The following ZBBX variants were observed in gnomAD, a reference collection of about 807,000 sequenced individuals.
The protein encoded by ZBBX is zinc finger B-box domain containing.
ZBBX carries 101 observed loss-of-function variants against 108.5 expected under a neutral mutation model. The ratio of observed to expected loss-of-function variants is 0.93; its 90% confidence interval spans 0.79 to 1.10. ZBBX has a LOEUF of 1.10. Among genes scored for constraint, ZBBX ranks in the 50% least tolerant of loss-of-function variants. The probability of loss-of-function intolerance (pLI) is 0.00; values close to 1 mark genes in which losing one functional copy is unlikely to be tolerated. For synonymous variants in ZBBX, 356 were observed against 323.4 expected, an observed-to-expected ratio of 1.10 and a Z score of -1.08; for missense variants, 1,009 against 941.4, an observed-to-expected ratio of 1.07 and a Z score of -0.94.
chr3:167,192,996 G>A, the ZBBX span, among the ~76,000 whole-genome samples: 1 of 152,082 alleles, frequency 6.6e-6, no homozygotes, highest in Non-Finnish European at 1.5e-5. Context: ...GACCCTTTGA[G>A]GAGGTCATGG....
intron 1 of ZBBX, among the ~76,000 whole-genome samples, chr3:167,406,222 C>T (rs1006769165): frequency 3.3e-5 from 5 of 152,054 alleles, no homozygotes; most frequent in South Asian, 2.1e-4. Flanking sequence ...ATAGGTAAAA[C>T]GTAAATCTAT....
intron 20 of ZBBX, among the ~76,000 whole-genome samples, chr3:167,251,959 C>CACACACACA (rs374736828): frequency 1.1e-3 from 167 of 151,440 alleles, no homozygotes; most frequent in African/African-American, 3.9e-3. Flanking sequence ...CACACACACA[C>CACACACACA]ATCTGTCCAT....
At chr3:167,301,955 A>T (rs974515035) in intron 17 of ZBBX, among the ~76,000 whole-genome samples, 21 of 41,226 alleles carry the variant, frequency 5.1e-4, no homozygotes, top group African/African-American at 2.2e-3. Flanking sequence ...AGACTCCGTT[A>T]AAAAAAAAAA....
intron 8 of ZBBX, among the ~76,000 whole-genome samples, chr3:167,353,919 A>G (rs1261865195): frequency 3.3e-5 from 5 of 151,998 alleles, no homozygotes; most frequent in African/African-American, 4.8e-5. Flanking sequence ...ATCATTTACA[A>G]TAAACTAAAA....
chr3:167,271,091 T>G lies in ZBBX; in HGVS notation c.2254+11147A>C, dbSNP rs547894192. Among the ~76,000 whole-genome samples, 19 of 152,344 alleles carry G rather than the reference T, an allele frequency of 1.2e-4. No individual in the cohort carries two copies. In the South Asian group the frequency reaches 3.5e-3, roughly 28 times the overall value. On this transcript the variant is annotated intron_variant, in intron 20 of 21. Coordinates refer to ENST00000675490, the MANE Select transcript of ZBBX (RefSeq NM_001199201.2). Reference sequence around the variant, plus strand: ...GCCTAATAATTGGTCTGCCCAAACTTGTGAGTTGTTTGCACTCATCCAAGC... The same window carrying G: ...GCCTAATAATTGGTCTGCCCAAACTGGTGAGTTGTTTGCACTCATCCAAGC...
the ZBBX span, among the ~76,000 whole-genome samples, chr3:167,221,692 C>T: frequency 6.6e-6 from 1 of 151,618 alleles, no homozygotes; most frequent in Admixed American, 6.6e-5. Context: ...TAAAAAGCTT[C>T]GCACAGAAGA....
chr3:167,393,000 G>T lies in ZBBX; in HGVS notation c.-445-12595C>A, dbSNP rs559636499. ...GAATGAGGAATAAATGTAGGATATT[G>T]TTTCCATCCAATGATGCAATGATTT... On this transcript the variant is annotated intron_variant, in intron 1 of 21. Coordinates refer to the ZBBX transcript ENST00000455345. The T allele has an allele frequency of 2.0e-4, 31 of 151,896 alleles. 1 individual carries two copies. The highest frequency in any genetic ancestry group is 7.2e-4 in the African/African-American group (30 of 41,514). 9.4% of individuals were successfully genotyped at this position (151,896 alleles called of 1,614,324 possible).
chr3:167,212,523 G>C, the ZBBX span, among the ~76,000 whole-genome samples: 1 of 152,144 alleles, frequency 6.6e-6, no homozygotes, highest in East Asian at 1.9e-4. Flanking sequence ...GAGGAGGCCA[G>C]TCCATCTCCC....
chr3:167,348,369 A>AAAGAAAGAAAGAAAAAGAAAGAAAG (rs759038070), intron 9 of ZBBX, among the ~76,000 whole-genome samples: 1 of 140,562 alleles, frequency 7.1e-6, no homozygotes, highest in Non-Finnish European at 1.6e-5. Context: ...AGAAAGAAAG[A>AAAGAAAGAAAGAAAAAGAAAGAAAG]AAAAAAAGAA....
At chr3:167,234,363 T>G in the ZBBX span, among the ~76,000 whole-genome samples, 2 of 151,868 alleles carry the variant, frequency 1.3e-5, no homozygotes, top group African/African-American at 4.8e-5. Flanking sequence ...TGAAAATCTT[T>G]GCAAAAGCAG....
At chr3:167,250,607 C>G (rs1371319331) in intron 20 of ZBBX, among the ~76,000 whole-genome samples, 1 of 151,726 alleles carries the variant, frequency 6.6e-6, no homozygotes, top group African/African-American at 2.4e-5. Context: ...AAAGATGGCT[C>G]CCCTTGTCTA....
intron 9 of ZBBX, among the ~76,000 whole-genome samples, chr3:167,342,882 T>C (rs1029574498): frequency 6.6e-6 from 1 of 151,510 alleles, no homozygotes; most frequent in Non-Finnish European, 1.5e-5. Context: ...GATGATATAA[T>C]GGGTATATGT....
the ZBBX span, among the ~76,000 whole-genome samples, chr3:167,188,320 T>C: frequency 1.3e-5 from 2 of 152,134 alleles, no homozygotes; most frequent in Non-Finnish European, 2.9e-5. Context: ...ATATAAAATA[T>C]GTATTTTTAA....
intron 20 of ZBBX, among the ~76,000 whole-genome samples, chr3:167,269,141 C>T (rs1448598915): frequency 6.6e-6 from 1 of 152,224 alleles, no homozygotes; most frequent in Admixed American, 6.5e-5. Flanking sequence ...GTCTCTTTTA[C>T]TTCAAGTCCC....
intron 9 of ZBBX, among the ~76,000 whole-genome samples, chr3:167,344,765 G>C (rs1427308688): frequency 2.6e-5 from 4 of 151,696 alleles, no homozygotes; most frequent in Admixed American, 1.3e-4. Flanking sequence ...GTTCCATAGT[G>C]GAATGTTTCA....
chr3:167,319,729 C>A (rs969111901), intron 12 of ZBBX, among the ~76,000 whole-genome samples: 1 of 151,840 alleles, frequency 6.6e-6, no homozygotes, highest in Non-Finnish European at 1.5e-5. Context: ...AATTAATTGT[C>A]CCTTGTTTCT....
chr3:167,395,239 T>G (rs1170607468), intron 1 of ZBBX, among the ~76,000 whole-genome samples: 4 of 152,064 alleles, frequency 2.6e-5, no homozygotes, highest in African/African-American at 9.7e-5. Context: ...TTTTTAAGAA[T>G]GAGTAAAGTT....
intron 20 of ZBBX, among the ~76,000 whole-genome samples, chr3:167,269,124 G>A (rs1726095156): frequency 6.6e-6 from 1 of 152,140 alleles, no homozygotes; most frequent in African/African-American, 2.4e-5. Context: ...GGGGGCTCAG[G>A]GGCTCTGTCT....
chr3:167,321,838 T>G (rs1260844006), intron 12 of ZBBX, among the ~76,000 whole-genome samples: 1 of 151,996 alleles, frequency 6.6e-6, no homozygotes, highest in Non-Finnish European at 1.5e-5. Context: ...CACATTATTT[T>G]TATTATTCTT....
Sources: gnomAD v4.1 joint callset for allele counts (sites outside exome capture counted in the v4.1 genomes callset) on GRCh38, gnomAD v4.1.1 for gene constraint, MANE v1.5 for transcripts, NCBI Gene and HGNC (gene_info 2026-07-23, HGNC 2026-07-21) for gene names.